KSR2: variants seen among roughly 807,000 people sequenced by gnomAD.
The protein encoded by KSR2 is kinase suppressor of ras 2.
A neutral mutation model predicts 107.8 loss-of-function variants in KSR2; 25 were observed. The observed-to-expected ratio is 0.23, with a 90% CI of 0.17 to 0.32. The LOEUF is 0.32. KSR2 is among the 10% of genes least tolerant of loss of function. KSR2 has a pLI of 1.00. For synonymous variants in KSR2, 480 were observed against 507.0 expected, an observed-to-expected ratio of 0.95 and a Z score of 0.71; for missense variants, 887 against 1,268.9, an observed-to-expected ratio of 0.70 and a Z score of 4.57.
At chr12:117,838,110 A>G (rs960905530) in intron 3 of KSR2, among the ~76,000 whole-genome samples, 2 of 152,226 alleles carry the variant, frequency 1.3e-5, no homozygotes, top group Admixed American at 6.5e-5. Context: ...CACTCCCCAA[A>G]GAACTCAGTC....
At chr12:117,573,057 C>T (rs1014584911) in intron 7 of KSR2, among the ~76,000 whole-genome samples, 5 of 152,212 alleles carry the variant, frequency 3.3e-5, no homozygotes, top group African/African-American at 7.2e-5. Flanking sequence ...TAGATGAAAA[C>T]GCCTCAATTT....
intron 5 of KSR2, among the ~76,000 whole-genome samples, chr12:117,608,150 C>A (rs965158219): frequency 6.6e-6 from 1 of 152,206 alleles, no homozygotes; most frequent in African/African-American, 2.4e-5. Flanking sequence ...AGTACTTAAC[C>A]TCTCTGACCC....
intron 1 of KSR2, among the ~76,000 whole-genome samples, chr12:117,867,338 C>G (rs1470204860): frequency 6.6e-6 from 1 of 151,948 alleles, no homozygotes; most frequent in Admixed American, 6.6e-5. Context: ...GGGAAAATTC[C>G]CTAAACACAT....
intron 4 of KSR2, among the ~76,000 whole-genome samples, chr12:117,703,381 C>G (rs1377639550): frequency 6.6e-6 from 1 of 152,110 alleles, no homozygotes. Context: ...CAGAGACATA[C>G]CCAACCTTGA....
chr12:117,927,701 G>GA lies in KSR2; in HGVS notation c.180+40374dup, dbSNP rs1223856591. ...GAGCAAGACTCAGTCTGGAAAAAAG[G>GA]AAAAAAAAAGGAACCAGGCCTTTCC... On this transcript the variant is annotated intron_variant, in intron 1 of 19. Transcript: ENST00000339824. 4.6e-4 allele frequency among the ~76,000 whole-genome samples: 70 copies of GA among 150,712 alleles called. No individual in the cohort carries two copies. In the East Asian group the frequency reaches 9.0e-3, roughly 19 times the overall value.
chr12:117,769,022 A>G (rs1045107162), intron 3 of KSR2, among the ~76,000 whole-genome samples: 1 of 152,166 alleles, frequency 6.6e-6, no homozygotes, highest in African/African-American at 2.4e-5. Context: ...GCAGAAGGAA[A>G]TTGGGCACAG....
intron 7 of KSR2, among the ~76,000 whole-genome samples, chr12:117,572,022 T>A (rs1456379029): frequency 2.6e-5 from 4 of 152,050 alleles, no homozygotes; most frequent in Admixed American, 6.6e-5. Flanking sequence ...GCAGCCTGAA[T>A]CATGGCAATA....
chr12:117,665,932 C>T (rs117037213), intron 5 of KSR2, among the ~76,000 whole-genome samples: 8 of 152,322 alleles, frequency 5.3e-5, no homozygotes, highest in African/African-American at 7.2e-5. Context: ...GTCACTATCA[C>T]GCTTTTCTTC....
chr12:117,629,016 G>A (rs1882676094), intron 5 of KSR2, among the ~76,000 whole-genome samples: 1 of 152,244 alleles, frequency 6.6e-6, no homozygotes, highest in African/African-American at 2.4e-5. Flanking sequence ...AGCCAGGCAT[G>A]GGAGAGAATC....
intron 5 of KSR2, among the ~76,000 whole-genome samples, chr12:117,647,667 C>T (rs1251416708): frequency 2.6e-5 from 4 of 152,052 alleles, no homozygotes; most frequent in South Asian, 2.1e-4. Context: ...TGCTGGAGAT[C>T]AGGGGAGGGG....
intron 3 of KSR2, among the ~76,000 whole-genome samples, chr12:117,802,899 A>G (rs1246408867): frequency 6.6e-6 from 1 of 152,128 alleles, no homozygotes; most frequent in African/African-American, 2.4e-5. Context: ...ACACCCCCCA[A>G]TCTGGGAGTA....
intron 5 of KSR2, among the ~76,000 whole-genome samples, chr12:117,588,030 T>A: frequency 6.6e-6 from 1 of 152,052 alleles, no homozygotes; most frequent in Admixed American, 6.6e-5. Context: ...CCAAGGTCAT[T>A]CTCCCAGCAC....
At chr12:117,777,107 T>TATATATATATATATACAC (rs58787858) in intron 3 of KSR2, among the ~76,000 whole-genome samples, 5 of 66,152 alleles carry the variant, frequency 7.6e-5, no homozygotes, top group African/African-American at 3.0e-4. Flanking sequence ...TATATATATA[T>TATATATATATATATACAC]ACACACACAC....
chr12:117,868,146 G>A (rs535854157), intron 1 of KSR2, among the ~76,000 whole-genome samples: 2 of 152,206 alleles, frequency 1.3e-5, no homozygotes, highest in South Asian at 2.1e-4. Flanking sequence ...ATAAAAATAC[G>A]GCCGGGCACA....
intron 9 of KSR2, among the ~76,000 whole-genome samples, chr12:117,554,552 G>A (rs960680014): frequency 1.1e-4 from 17 of 152,118 alleles, no homozygotes; most frequent in Admixed American, 3.9e-4. Context: ...GTCATGGGAG[G>A]GGCCCAGTGG....
At chr12:117,727,510 G>A (rs1887480604) in intron 4 of KSR2, among the ~76,000 whole-genome samples, 2 of 151,724 alleles carry the variant, frequency 1.3e-5, no homozygotes, top group African/African-American at 4.8e-5. Flanking sequence ...AAGAACAAGA[G>A]GAGAAGGAGG....
intron 1 of KSR2, among the ~76,000 whole-genome samples, chr12:117,961,655 TC>T (rs1896660406): frequency 6.6e-6 from 1 of 152,114 alleles, no homozygotes; most frequent in Non-Finnish European, 1.5e-5. Flanking sequence ...CCTATCCTCC[TC>T]CCTTTCCACC....
rs112314585 is a variant in KSR2 at position 117,952,155 on chromosome 12, T to TCACACACACACACACA, written c.180+15905_180+15920dup. Among the ~76,000 whole-genome samples the TCACACACACACACACA allele has an allele frequency of 5.1e-4, 75 of 147,420 alleles. 1 individual carries two copies. The highest frequency in any genetic ancestry group is 1.8e-3 in the African/African-American group (73 of 40,084). ...TGAGAGTAGATCTTAAATGTTCTCA[T>TCACACACACACACACA]CACACACACACACACACACACACAC... On this transcript the variant is annotated intron_variant, in intron 1 of 19. Coordinates refer to ENST00000339824, the MANE Select transcript of KSR2 (RefSeq NM_173598.6).
chr12:117,651,376 C>T (rs1228277750), intron 5 of KSR2, among the ~76,000 whole-genome samples: 6 of 152,062 alleles, frequency 3.9e-5, no homozygotes, highest in African/African-American at 1.4e-4. Flanking sequence ...GAGAGTGTGA[C>T]CCATGAGGAG....
Sources: gnomAD v4.1 joint callset for allele counts (sites outside exome capture counted in the v4.1 genomes callset) on GRCh38, gnomAD v4.1.1 for gene constraint, MANE v1.5 for transcripts, NCBI Gene and HGNC (gene_info 2026-07-23, HGNC 2026-07-21) for gene names.